DLG2: variants seen among roughly 807,000 people sequenced by gnomAD.
DLG2 encodes disks large homolog 2.
DLG2 carries 45 observed loss-of-function variants against 132.5 expected under a neutral mutation model. The observed-to-expected ratio is 0.34, with a 90% CI of 0.27 to 0.44. The LOEUF is 0.44. Among genes scored for constraint, DLG2 ranks in the 20% least tolerant of loss-of-function variants. The probability of loss-of-function intolerance (pLI) is 1.00; values close to 1 mark genes in which losing one functional copy is unlikely to be tolerated. For missense variants in DLG2, 1,045 were observed against 1,196.9 expected, an observed-to-expected ratio of 0.87 and a Z score of 1.87; for synonymous variants, 424 against 419.6, an observed-to-expected ratio of 1.01 and a Z score of -0.13.
Position 84,426,841 on chromosome 11 carries a change from C to T in DLG2, c.519+107729G>A, listed in dbSNP as rs140010546. ...CTGGCACTCACGAAACAGGGAATCCCTCTCTTAAAAGTTGGGTGGTATATT... is the reference window on the plus strand; with the variant it reads ...CTGGCACTCACGAAACAGGGAATCCTTCTCTTAAAAGTTGGGTGGTATATT... On this transcript the variant is annotated intron_variant, in intron 7 of 27. Transcript: ENST00000376104. Among the ~76,000 whole-genome samples, 648 of 152,242 alleles carry T rather than the reference C, an allele frequency of 4.3e-3. 12 individuals carry two copies. The highest frequency in any genetic ancestry group is 0.014 in the African/African-American group (597 of 41,562).
chr11:84,758,542 C>T, intron 6 of DLG2, among the ~76,000 whole-genome samples: 1 of 152,166 alleles, frequency 6.6e-6, no homozygotes. Flanking sequence ...CTTCTGAACA[C>T]TGTTTTCTGA....
chr11:83,889,776 G>A (rs1252933038), intron 15 of DLG2, among the ~76,000 whole-genome samples: 1 of 152,078 alleles, frequency 6.6e-6, no homozygotes, highest in Admixed American at 6.6e-5. Context: ...ATACTATGCA[G>A]CCATAAAAAA....
At chr11:83,782,245 A>G (rs1472259439) in intron 18 of DLG2, among the ~76,000 whole-genome samples, 1 of 152,232 alleles carries the variant, frequency 6.6e-6, no homozygotes, top group Non-Finnish European at 1.5e-5. Flanking sequence ...AACATTTCTT[A>G]AGCACCTACT....
At chr11:84,371,594 C>T (rs1021604823) in intron 7 of DLG2, among the ~76,000 whole-genome samples, 4 of 152,114 alleles carry the variant, frequency 2.6e-5, no homozygotes, top group African/African-American at 7.2e-5. Context: ...TTCTATTGGT[C>T]AGAATCGACA....
intron 7 of DLG2, among the ~76,000 whole-genome samples, chr11:84,353,569 T>C (rs542300873): frequency 6.6e-6 from 1 of 152,200 alleles, no homozygotes. Context: ...GCTTTTTAAC[T>C]ATTGTCTCCT....
At chr11:84,411,526 T>C (rs932843397) in intron 7 of DLG2, among the ~76,000 whole-genome samples, 4 of 152,120 alleles carry the variant, frequency 2.6e-5, no homozygotes, top group Non-Finnish European at 4.4e-5. Flanking sequence ...AATGACTCTG[T>C]TACTATTTAA....
At chr11:83,833,070 A>T (rs1015690900) in intron 17 of DLG2, among the ~76,000 whole-genome samples, 1 of 152,200 alleles carries the variant, frequency 6.6e-6, no homozygotes, top group African/African-American at 2.4e-5. Flanking sequence ...CATCTAGAAG[A>T]AAACATTAGC....
intron 6 of DLG2, among the ~76,000 whole-genome samples, chr11:85,085,824 T>C (rs979747422): frequency 1.3e-5 from 2 of 152,162 alleles, no homozygotes; most frequent in Admixed American, 6.5e-5. Flanking sequence ...ACTCACTACA[T>C]TGCCTTCCTA....
At chr11:83,938,358 A>AAGGGTGAAAG (rs371994720) in intron 14 of DLG2, among the ~76,000 whole-genome samples, 1 of 130,092 alleles carries the variant, frequency 7.7e-6, no homozygotes, top group African/African-American at 2.5e-5. Flanking sequence ...AAGAGGGTGA[A>AAGGGTGAAAG]AGGGTGAAAG....
At chr11:84,393,083 TG>T (rs770961032) in intron 7 of DLG2, among the ~76,000 whole-genome samples, 1 of 152,210 alleles carries the variant, frequency 6.6e-6, no homozygotes, top group Non-Finnish European at 1.5e-5. Flanking sequence ...AGCTATAATG[TG>T]TATTCACTAA....
At chr11:85,404,008 A>G (rs1007692847) in intron 3 of DLG2, among the ~76,000 whole-genome samples, 1 of 152,078 alleles carries the variant, frequency 6.6e-6, no homozygotes, top group Non-Finnish European at 1.5e-5. Context: ...TAACTTGCAC[A>G]TTTTAAGTTT....
chr11:84,216,941 T>C (rs1415023755), intron 8 of DLG2, among the ~76,000 whole-genome samples: 1 of 152,156 alleles, frequency 6.6e-6, no homozygotes, highest in African/African-American at 2.4e-5. Flanking sequence ...GGGGACAGTA[T>C]GTATACAAAG....
intron 18 of DLG2, among the ~76,000 whole-genome samples, chr11:83,678,439 T>G (rs539198349): frequency 8.5e-5 from 13 of 152,318 alleles, no homozygotes; most frequent in Non-Finnish European, 2.9e-5. Flanking sequence ...AGTTTCTTCC[T>G]GCACTACAAA....
rs540422330 is a variant in DLG2 at position 83,657,534 on chromosome 11, CTTTTTTTT to C, written c.1826-24217_1826-24210del. ...TCCGTGCTTTTATATATTGTCTATT[CTTTTTTTT>C]TTTTTTTTTTTTTTGAGATGGAGTC... On this transcript the variant is annotated intron_variant, in intron 18 of 27. Transcript: ENST00000376104. Among the ~76,000 whole-genome samples the C allele has an allele frequency of 4.3e-5, 4 of 93,398 alleles. No homozygotes were observed. The South Asian group carries it at 1.5e-3, about 35-fold the overall frequency. 61.3% of individuals were successfully genotyped at this position (93,398 alleles called of 152,430 possible).
At chr11:84,195,195 C>T (rs973955667) in intron 8 of DLG2, among the ~76,000 whole-genome samples, 2 of 152,162 alleles carry the variant, frequency 1.3e-5, no homozygotes, top group African/African-American at 4.8e-5. Context: ...GATGGAGTCC[C>T]ACTCTGTTGC....
chr11:84,218,096 A>T (rs567788024), intron 8 of DLG2, among the ~76,000 whole-genome samples: 37 of 152,144 alleles, frequency 2.4e-4, no homozygotes, highest in Middle Eastern at 6.8e-3. Context: ...TGAACCCAGG[A>T]GGTGGAAATT....
intron 9 of DLG2, among the ~76,000 whole-genome samples, chr11:84,158,398 G>C (rs528406286): frequency 2.0e-5 from 3 of 152,238 alleles, no homozygotes; most frequent in East Asian, 3.9e-4. Flanking sequence ...TATTGCCCAA[G>C]AGTGAAAGTC....
chr11:83,471,737 G>C lies in DLG2; in HGVS notation c.2345-10C>G. On this transcript the variant is annotated splice_polypyrimidine_tract_variant and intron_variant, in intron 23 of 27. Transcript: ENST00000376104. ...GGCCGGGTGTAGTTTACTGCAGAATGGGAAAGGAAGATGTAGGTAAAGAGA... is the reference window on the plus strand; with the variant it reads ...GGCCGGGTGTAGTTTACTGCAGAATCGGAAAGGAAGATGTAGGTAAAGAGA... The C allele has an allele frequency of 6.2e-7, 1 of 1,608,312 alleles. No individual in the cohort carries two copies. The highest frequency in any genetic ancestry group is 8.5e-7 in the Non-Finnish European group (1 of 1,175,272).
chr11:84,161,592 T>C (rs565867626), intron 9 of DLG2, among the ~76,000 whole-genome samples: 1 of 152,188 alleles, frequency 6.6e-6, no homozygotes, highest in Non-Finnish European at 1.5e-5. Flanking sequence ...CTGACTCCTA[T>C]TGAGTGTTCT....
Sources: allele counts gnomAD v4.1 joint callset (sites outside exome capture counted in the v4.1 genomes callset), GRCh38; gene constraint gnomAD v4.1.1; transcripts MANE v1.5; gene names NCBI Gene and HGNC (gene_info 2026-07-23, HGNC 2026-07-21).